Variants in PCDHA6 observed in about 807,000 individuals in gnomAD.
The protein encoded by PCDHA6 is protocadherin alpha-6.
Under a neutral mutation model 60.3 loss-of-function variants are expected in PCDHA6, and 55 were observed. The ratio of observed to expected loss-of-function variants is 0.91; its 90% CI spans 0.73 to 1.14. The LOEUF is 1.14. Ranked by LOEUF, PCDHA6 falls within the 50% of genes most tolerant of loss-of-function variation. The pLI is 0.00. For synonymous variants in PCDHA6, 652 were observed against 557.9 expected, an observed-to-expected ratio of 1.17 and a Z score of -2.38; for missense variants, 1,327 against 1,256.5, an observed-to-expected ratio of 1.06 and a Z score of -0.85.
At chr5:140,842,725 C>T in intron 1 of PCDHA6, 3 of 1,595,120 alleles carry the variant, frequency 1.9e-6, no homozygotes, top group Non-Finnish European at 2.6e-6. Flanking sequence ...AGGAGAACAA[C>T]CCGCCGGGCT....
intron 1 of PCDHA6, among the ~76,000 whole-genome samples, chr5:140,888,737 A>T (rs1468383652): frequency 6.6e-6 from 1 of 152,036 alleles, no homozygotes; most frequent in Non-Finnish European, 1.5e-5. Context: ...TGTGAGCTCT[A>T]GGAATTATTC....
intron 1 of PCDHA6, among the ~76,000 whole-genome samples, chr5:140,971,717 T>C (rs2096494226): frequency 6.6e-6 from 1 of 152,012 alleles, no homozygotes; most frequent in Non-Finnish European, 1.5e-5. Flanking sequence ...TATAGATATA[T>C]GTATATCATA....
At chr5:140,883,470 A>T in intron 1 of PCDHA6, 3 of 1,614,126 alleles carry the variant, frequency 1.9e-6, no homozygotes, top group Non-Finnish European at 1.7e-6. Context: ...GTGTCCACCT[A>T]CAAGAACTAC....
intron 3 of PCDHA6, among the ~76,000 whole-genome samples, chr5:141,006,369 G>A (rs2098270445): frequency 1.3e-5 from 2 of 151,784 alleles, no homozygotes; most frequent in Admixed American, 6.6e-5. Context: ...CCACCACCAC[G>A]CCCGGCTAAG....
chr5:140,878,145 A>G (rs1331184448), intron 1 of PCDHA6: 4 of 183,786 alleles, frequency 2.2e-5, no homozygotes, highest in African/African-American at 9.5e-5. Flanking sequence ...CAGATGTTTG[A>G]TAACTTAAAA....
chr5:140,903,163 G>T (rs2070058285), intron 1 of PCDHA6, among the ~76,000 whole-genome samples: 1 of 152,096 alleles, frequency 6.6e-6, no homozygotes, highest in Non-Finnish European at 1.5e-5. Flanking sequence ...GGTTGTGCTG[G>T]TTTACATTCC....
At chr5:140,941,255 C>CTTTCTTTCTTTCTTTCTT (rs782490896) in intron 1 of PCDHA6, among the ~76,000 whole-genome samples, 39 of 44,506 alleles carry the variant, frequency 8.8e-4, no homozygotes, top group Middle Eastern at 0.012. Flanking sequence ...TTCTTTCTTT[C>CTTTCTTTCTTTCTTTCTT]TCTTTCTTTC....
At chr5:140,962,295 A>G (rs1215334325) in intron 1 of PCDHA6, among the ~76,000 whole-genome samples, 2 of 152,196 alleles carry the variant, frequency 1.3e-5, no homozygotes, top group African/African-American at 4.8e-5. Flanking sequence ...TTAATATTCT[A>G]TGATTCTTGT....
chr5:140,842,975 C>T (rs1554139598), intron 1 of PCDHA6: 3 of 1,594,992 alleles, frequency 1.9e-6, no homozygotes, highest in Non-Finnish European at 2.6e-6. Context: ...CGTGACGCTG[C>T]AGGTGTTCGT....
chr5:140,967,876 G>T, intron 1 of PCDHA6: 1 of 1,614,144 alleles, frequency 6.2e-7, no homozygotes, highest in Non-Finnish European at 8.5e-7. Context: ...TCACGGACCT[G>T]TATAGCCCAG....
chr5:140,904,826 T>C (rs1251990612), intron 1 of PCDHA6, among the ~76,000 whole-genome samples: 1 of 152,206 alleles, frequency 6.6e-6, no homozygotes. Flanking sequence ...GAGCATTTTT[T>C]TATATGTTTC....
At chr5:140,864,861 G>C (rs2048633310) in intron 1 of PCDHA6, 1 of 152,100 alleles carries the variant, frequency 6.6e-6, no homozygotes, top group African/African-American at 2.4e-5. Flanking sequence ...ATGATGAAGG[G>C]TGATACCATT....
chr5:140,836,346 G>C (rs1774395733), intron 1 of PCDHA6: 1 of 1,613,696 alleles, frequency 6.2e-7, no homozygotes, highest in South Asian at 1.1e-5. Flanking sequence ...GAAGGACCAC[G>C]GGGAGCCCTC....
At position 140,913,249 on chromosome 5, in the gene PCDHA6, A is replaced by G. The variant is rs1389386272; in HGVS notation, c.2395-65700A>G. ...CTTTGCTGGGAGACTTTTTGTTACA[A>G]CTTTGATCTAATTACTTGTTATTGG... On this transcript the variant is annotated intron_variant, in intron 1 of 3. Transcript: ENST00000529310. Among the ~76,000 whole-genome samples the G allele has an allele frequency of 4.6e-5, 7 of 152,262 alleles. No individual in the cohort carries two copies. The East Asian group carries it at 9.6e-4, about 21-fold the overall frequency.
chr5:140,857,419 C>G, intron 1 of PCDHA6: 3 of 1,598,332 alleles, frequency 1.9e-6, no homozygotes, highest in Non-Finnish European at 2.6e-6. Context: ...TCGCGCAGTC[C>G]GAGTACACGG....
chr5:140,835,497 A>C, intron 1 of PCDHA6: 1 of 1,613,910 alleles, frequency 6.2e-7, no homozygotes. Flanking sequence ...CATCACATTG[A>C]TTAGCGTGTT....
chr5:140,875,252 C>T, intron 1 of PCDHA6: 1 of 1,041,204 alleles, frequency 9.6e-7, no homozygotes, highest in East Asian at 2.7e-5. Context: ...TAATCAGTCA[C>T]ATGATGTCGC....
At chr5:140,942,147 T>C (rs2093240437) in intron 1 of PCDHA6, among the ~76,000 whole-genome samples, 1 of 152,236 alleles carries the variant, frequency 6.6e-6, no homozygotes, top group Non-Finnish European at 1.5e-5. Flanking sequence ...TTACTTGACA[T>C]AAAACAGCTT....
At chr5:140,925,479 A>G (rs2082513030) in intron 1 of PCDHA6, among the ~76,000 whole-genome samples, 1 of 152,116 alleles carries the variant, frequency 6.6e-6, no homozygotes. Context: ...TGTTTCTCAT[A>G]GAACTGATCA....
Sources: gnomAD v4.1 joint callset for allele counts (sites outside exome capture counted in the v4.1 genomes callset) on GRCh38, gnomAD v4.1.1 for gene constraint, MANE v1.5 for transcripts, NCBI Gene and HGNC (gene_info 2026-07-23, HGNC 2026-07-21) for gene names.